MOB3B: variants seen among roughly 807,000 people sequenced by gnomAD.
The protein encoded by MOB3B is MOB kinase activator-like 2B.
MOB3B carries 7 observed loss-of-function variants against 18.7 expected under a neutral mutation model. That is an observed-to-expected ratio of 0.37 (90% CI 0.21 to 0.70). MOB3B has a LOEUF of 0.70. Among genes scored for constraint, MOB3B ranks in the 30% least tolerant of loss-of-function variants. The pLI is 0.52. For synonymous variants in MOB3B, 111 were observed against 99.9 expected (o/e 1.11, Z -0.66); for missense variants, 253 against 281.3 (o/e 0.90, Z 0.72).
intron 2 of MOB3B, among the ~76,000 whole-genome samples, chr9:27,384,032 C>A (rs546835526): frequency 1.3e-5 from 2 of 152,120 alleles, no homozygotes; most frequent in African/African-American, 4.8e-5. Context: ...AGTAAAGAAA[C>A]CTGCTTATTT....
chr9:27,497,138 C>G (rs1819914945), intron 1 of MOB3B, among the ~76,000 whole-genome samples: 1 of 152,114 alleles, frequency 6.6e-6, no homozygotes, highest in Non-Finnish European at 1.5e-5. Flanking sequence ...TAGAAAAGCT[C>G]CCTGTTTGGG....
intron 2 of MOB3B, among the ~76,000 whole-genome samples, chr9:27,429,980 A>G (rs1403859592): frequency 2.0e-5 from 3 of 152,160 alleles, no homozygotes; most frequent in Non-Finnish European, 1.5e-5. Context: ...AGCGAATGCA[A>G]CGAAGTTCTA....
At chr9:27,396,908 GGACA>G (rs1821808643) in intron 2 of MOB3B, 1 of 152,182 alleles carries the variant, frequency 6.6e-6, no homozygotes, top group East Asian at 1.9e-4. Context: ...GGAAAAAGGA[GGACA>G]GACATTTAAT....
chr9:27,346,595 T>C (rs1418073793), intron 3 of MOB3B, among the ~76,000 whole-genome samples: 2 of 152,148 alleles, frequency 1.3e-5, no homozygotes, highest in Non-Finnish European at 2.9e-5. Flanking sequence ...ACAAATCAAA[T>C]GAAAAAATAT....
chr9:27,423,063 A>T (rs1178341651), intron 2 of MOB3B, among the ~76,000 whole-genome samples: 1 of 152,198 alleles, frequency 6.6e-6, no homozygotes, highest in Non-Finnish European at 1.5e-5. Flanking sequence ...GGAGAGCCAG[A>T]AAGAACGCTA....
chr9:27,458,908 T>G (rs1032225535), intron 1 of MOB3B, among the ~76,000 whole-genome samples: 2 of 152,010 alleles, frequency 1.3e-5, no homozygotes, highest in African/African-American at 4.8e-5. Flanking sequence ...TGATTCAAAT[T>G]TGTAAATGAT....
rs57850999 is a variant in MOB3B at position 27,418,091 on chromosome 9, C to CAAAAAAAAAAAAA, written c.418+37029_418+37041dup. Among the ~76,000 whole-genome samples the CAAAAAAAAAAAAA allele has an allele frequency of 2.7e-4, 12 of 44,086 alleles. 1 individual carries two copies. The highest frequency in any genetic ancestry group is 3.5e-4 in the Non-Finnish European group (8 of 22,624). The allele number at this position is 44,086 out of a possible 152,430, so 28.9% of individuals were successfully genotyped here. Reference sequence around the variant, plus strand: ...TGGGAGACAGGGTGAGACTCCACCTCAAAAAAAAAAAAAAAAAAAAAGTAA... The same window carrying CAAAAAAAAAAAAA: ...TGGGAGACAGGGTGAGACTCCACCTCAAAAAAAAAAAAAAAAAAAAAAAAAAAAAAAAAAGTAA... On this transcript the variant is annotated intron_variant, in intron 2 of 3. Transcript: ENST00000262244.
intron 2 of MOB3B, among the ~76,000 whole-genome samples, chr9:27,444,182 GGAAA>G (rs1323809006): frequency 1.4e-4 from 18 of 132,012 alleles, no homozygotes; most frequent in South Asian, 7.6e-4. Flanking sequence ...AAAGAAGGAA[GGAAA>G]GAAAGAAAGA....
At chr9:27,500,612 G>T (rs1012536012) in intron 1 of MOB3B, among the ~76,000 whole-genome samples, 24 of 152,158 alleles carry the variant, frequency 1.6e-4, no homozygotes, top group Non-Finnish European at 3.5e-4. Context: ...ATGGATTAAA[G>T]ACTTAAACAT....
At position 27,455,158 on chromosome 9, in the gene MOB3B, G is replaced by A. The variant is rs776303766; in HGVS notation, c.393C>T (p.Asn131=). 30 of 1,613,980 alleles carry A rather than the reference G, an allele frequency of 1.9e-5. No homozygotes were observed. The highest frequency in any genetic ancestry group is 5.5e-5 in the South Asian group (5 of 91,078). The change falls in exon 2 of 4, where the codon AAC becomes AAT. Residue 131 remains asparagine (N), a synonymous_variant. Transcript: ENST00000262244. ...LMDWIEVQIN[N]EEIFPTCVGV... The stretch of plus-strand genomic sequence containing the variant: ...CCACGCATGTTGGAAATATTTCCTC[G>A]TTGTTGATCTGAACCTCAATCCAAT...
chr9:27,493,065 C>T (rs9969832), intron 1 of MOB3B, among the ~76,000 whole-genome samples: 24,457 of 152,166 alleles, frequency 0.16, 2,517 homozygotes, highest in Middle Eastern at 0.26. Flanking sequence ...ATTACTAAAT[C>T]ATTCCAGTAC....
intron 1 of MOB3B, among the ~76,000 whole-genome samples, chr9:27,528,683 C>G (rs1411391982): frequency 2.0e-5 from 3 of 152,080 alleles, no homozygotes; most frequent in Non-Finnish European, 2.9e-5. Context: ...ATAGGGGAAA[C>G]GCGGAGAAAC....
intron 2 of MOB3B, 119 bp downstream of exon 2, chr9:27,455,014 G>A: frequency 2.9e-6 from 3 of 1,035,522 alleles, no homozygotes; most frequent in Non-Finnish European, 4.4e-6. Context: ...ACTCACTACA[G>A]GTATGTGAGT....
At chr9:27,462,747 C>T (rs1432584534) in intron 1 of MOB3B, among the ~76,000 whole-genome samples, 1 of 152,194 alleles carries the variant, frequency 6.6e-6, no homozygotes, top group Non-Finnish European at 1.5e-5. Flanking sequence ...TTACTCTTAG[C>T]CACTAAGTGA....
In MOB3B at chr9:27,328,360, G is replaced by A. The variant is rs1820740386; in HGVS notation, c.*2227C>T. 1 of 150,674 alleles carries A rather than the reference G, an allele frequency of 6.6e-6. No individual in the cohort carries two copies. The highest frequency in any genetic ancestry group is 6.6e-5 in the Admixed American group (1 of 15,076). 9.3% of individuals were successfully genotyped at this position (150,674 alleles called of 1,614,324 possible). On this transcript the variant is annotated 3_prime_UTR_variant, in exon 4 of 4. Transcript: ENST00000262244. ...GAGATTTTCTTCAGAATGTGCCAAA[G>A]TTCTGTGGGAACAGGAATATTCTGT...
intron 1 of MOB3B, among the ~76,000 whole-genome samples, chr9:27,481,641 T>C (rs1258121743): frequency 1.3e-5 from 2 of 150,816 alleles, no homozygotes; most frequent in South Asian, 4.2e-4. Flanking sequence ...CTCTCCTGCC[T>C]CAGCCTCCCA....
In MOB3B at chr9:27,427,019, C is replaced by T. The variant is rs1409122314; in HGVS notation, c.418+28114G>A. Among the ~76,000 whole-genome samples, 5 of 152,128 alleles carry T rather than the reference C, an allele frequency of 3.3e-5. No individual in the cohort carries two copies. In the East Asian group the frequency reaches 5.8e-4, roughly 18 times the overall value. ...GGTGCCAATTTAGGAAGAGAACATC[C>T]AAGTTTGCCATGAGCAAAGGCAGAG... On this transcript the variant is annotated intron_variant, in intron 2 of 3. Transcript: ENST00000262244.
chr9:27,485,641 C>A (rs1344873902), intron 1 of MOB3B, among the ~76,000 whole-genome samples: 1 of 152,222 alleles, frequency 6.6e-6, no homozygotes, highest in Non-Finnish European at 1.5e-5. Context: ...CCTACATTCT[C>A]TTCCCTCTCT....
chr9:27,460,192 T>C (rs185933807), intron 1 of MOB3B, among the ~76,000 whole-genome samples: 7 of 152,360 alleles, frequency 4.6e-5, no homozygotes, highest in African/African-American at 1.7e-4. Flanking sequence ...TGCATACTGA[T>C]GTGACTCCTT....
Sources: gnomAD v4.1 joint callset for allele counts (sites outside exome capture counted in the v4.1 genomes callset) on GRCh38, gnomAD v4.1.1 for gene constraint, MANE v1.5 for transcripts, NCBI Gene and HGNC (gene_info 2026-07-23, HGNC 2026-07-21) for gene names.